The following DTNA variants were observed in gnomAD, a reference collection of about 807,000 sequenced individuals.
The protein encoded by DTNA is dystrophin-related protein 3.
DTNA carries 43 observed loss-of-function variants against 100.7 expected under a neutral mutation model. That is an observed-to-expected ratio of 0.43 (90% confidence interval 0.33 to 0.55). DTNA has a LOEUF of 0.55. Ranked by LOEUF, DTNA falls within the 20% of genes least tolerant of loss-of-function variation. The pLI is 0.04. For synonymous variants in DTNA, 349 were observed against 347.9 expected (o/e 1.00, Z -0.04); for missense variants, 798 against 953.9 (o/e 0.84, Z 2.15).
At chr18:34,863,892 G>A (rs769825697) in intron 16 of DTNA, 74 bp from the exon 17 acceptor site, 741 of 1,433,680 alleles carry the variant, frequency 5.2e-4, no homozygotes, top group Non-Finnish European at 6.0e-4. Flanking sequence ...CAGTCCACAA[G>A]TCCCTCAAGA....
chr18:34,848,719 T>C (rs1414376321), intron 14 of DTNA, among the ~76,000 whole-genome samples: 1 of 152,140 alleles, frequency 6.6e-6, no homozygotes, highest in Non-Finnish European at 1.5e-5. Flanking sequence ...GTGTGGTTAG[T>C]GAAGGCACTA....
chr18:34,822,985 T>G (rs1484176089), intron 9 of DTNA, among the ~76,000 whole-genome samples: 1 of 152,232 alleles, frequency 6.6e-6, no homozygotes, highest in Non-Finnish European at 1.5e-5. Flanking sequence ...GATATTTAAT[T>G]GTTGAAATAA....
At chr18:34,558,296 A>T (rs982903341) in intron 1 of DTNA, among the ~76,000 whole-genome samples, 2 of 152,138 alleles carry the variant, frequency 1.3e-5, no homozygotes, top group African/African-American at 2.4e-5. Context: ...TGAACCTGGT[A>T]CCTCAGATGG....
At chr18:34,574,975 A>G (rs1330197992) in intron 1 of DTNA, among the ~76,000 whole-genome samples, 1 of 152,200 alleles carries the variant, frequency 6.6e-6, no homozygotes, top group Non-Finnish European at 1.5e-5. Flanking sequence ...AATGTATGGT[A>G]GTCTGGTTGA....
rs1303458284 is a variant in DTNA, at chr18:34,851,831, C to G, written c.1435C>G (p.Gln479Glu). ...ATCTTATAAACTACATATTTTACAG[C>G]AGCCACCTCAGCAGAGAAGTGCTCC... is the stretch of plus-strand genomic sequence containing the variant. Reference protein sequence around the residue: ...ARLAAESSSSQPPQQRSAPDI... With the variant: ...ARLAAESSSSEPPQQRSAPDI... The change falls in exon 15 of 23, where the codon CAG becomes GAG. Residue 479 changes from glutamine (Q) to glutamate (E), a missense_variant and splice_region_variant. This residue lies in a region of DTNA where 159 missense variants were observed against 201.2 expected (regional missense o/e 0.79). Coordinates refer to ENST00000444659, the MANE Select transcript of DTNA (RefSeq NM_001386795.1). The G allele has an allele frequency of 6.2e-7, 1 of 1,613,774 alleles. No homozygotes were observed. Among genetic ancestry groups the G allele is most frequent in the Non-Finnish European group, 8.5e-7 (1 of 1,179,808 alleles).
chr18:34,700,479 C>T (rs2081215597), intron 1 of DTNA, among the ~76,000 whole-genome samples: 1 of 152,208 alleles, frequency 6.6e-6, no homozygotes, highest in Middle Eastern at 3.4e-3. Flanking sequence ...TATTTTCTTC[C>T]TTACTTGCTT....
chr18:34,606,935 C>T (rs1285426633), intron 1 of DTNA, among the ~76,000 whole-genome samples: 1 of 152,082 alleles, frequency 6.6e-6, no homozygotes, highest in East Asian at 1.9e-4. Context: ...GGTCTCTATT[C>T]CTTGGAGGTT....
intron 1 of DTNA, among the ~76,000 whole-genome samples, chr18:34,691,855 C>A (rs926038318): frequency 1.3e-5 from 2 of 152,182 alleles, no homozygotes; most frequent in Non-Finnish European, 2.9e-5. Context: ...CTTTCAATAT[C>A]CAGCACAGCT....
At chr18:34,617,048 A>G (rs992823831) in intron 1 of DTNA, among the ~76,000 whole-genome samples, 3 of 152,128 alleles carry the variant, frequency 2.0e-5, no homozygotes, top group Non-Finnish European at 1.5e-5. Context: ...TTTTCTAAGT[A>G]TAGGATCATA....
intron 1 of DTNA, among the ~76,000 whole-genome samples, chr18:34,644,228 G>T (rs1196897408): frequency 6.6e-6 from 1 of 152,086 alleles, no homozygotes; most frequent in African/African-American, 2.4e-5. Context: ...GAGTGAAACT[G>T]CAGAAATAAA....
chr18:34,506,229 A>G (rs1014851438), intron 1 of DTNA, among the ~76,000 whole-genome samples: 12 of 152,156 alleles, frequency 7.9e-5, no homozygotes, highest in African/African-American at 2.7e-4. Flanking sequence ...ACTCTCCATT[A>G]AGCCACCTGT....
chr18:34,624,895 A>ACTCTTTCACC, intron 1 of DTNA, among the ~76,000 whole-genome samples: 1 of 152,126 alleles, frequency 6.6e-6, no homozygotes, highest in Admixed American at 6.5e-5. Flanking sequence ...ACAGAGTCTC[A>ACTCTTTCACC]CTCTTTCACC....
At chr18:34,712,598 G>A (rs1392981637) in intron 1 of DTNA, among the ~76,000 whole-genome samples, 1 of 152,096 alleles carries the variant, frequency 6.6e-6, no homozygotes, top group Admixed American at 6.6e-5. Flanking sequence ...TTCTTTTATA[G>A]TTGTTTTGGT....
At chr18:34,538,270 G>A (rs939216312) in intron 1 of DTNA, among the ~76,000 whole-genome samples, 1 of 152,200 alleles carries the variant, frequency 6.6e-6, no homozygotes, top group East Asian at 1.9e-4. Flanking sequence ...GACACTGTGG[G>A]GTTGGGGCCC....
chr18:34,789,815 T>C (rs1033196769), intron 3 of DTNA, among the ~76,000 whole-genome samples: 4 of 152,222 alleles, frequency 2.6e-5, no homozygotes, highest in Non-Finnish European at 5.9e-5. Context: ...GTTTAATAAC[T>C]TTCATATAAT....
intron 1 of DTNA, among the ~76,000 whole-genome samples, chr18:34,644,198 A>T (rs915629573): frequency 2.9e-4 from 44 of 152,296 alleles, no homozygotes; most frequent in African/African-American, 1.0e-3. Context: ...CTTAGTAAGT[A>T]GTGGAAGTAC....
At chr18:34,592,209 TTC>T (rs1365702413) in intron 1 of DTNA, among the ~76,000 whole-genome samples, 1 of 152,078 alleles carries the variant, frequency 6.6e-6, no homozygotes, top group East Asian at 1.9e-4. Flanking sequence ...TTATAAAGCC[TTC>T]ATTAGGCTTT....
At chr18:34,517,185 G>T (rs1241285307) in intron 1 of DTNA, among the ~76,000 whole-genome samples, 1 of 152,126 alleles carries the variant, frequency 6.6e-6, no homozygotes, top group Non-Finnish European at 1.5e-5. Context: ...AACCAAAGCA[G>T]CTGCTACTGC....
chr18:34,672,753 TTATA>T (rs1362628091), intron 1 of DTNA, among the ~76,000 whole-genome samples: 1 of 152,142 alleles, frequency 6.6e-6, no homozygotes, highest in Non-Finnish European at 1.5e-5. Flanking sequence ...TAAAACAAAA[TTATA>T]TATAGTTTAC....
Sources: allele counts gnomAD v4.1 joint callset (sites outside exome capture counted in the v4.1 genomes callset), GRCh38; gene constraint gnomAD v4.1.1; regional missense constraint gnomAD v4.1.1; transcripts MANE v1.5; gene names NCBI Gene and HGNC (gene_info 2026-07-23, HGNC 2026-07-21).